The following AKAP7 variants were observed in gnomAD, a reference collection of about 807,000 sequenced individuals.
The protein encoded by AKAP7 is A kinase (PRKA) anchor protein 7.
Under a neutral mutation model 39.5 loss-of-function variants are expected in AKAP7, and 39 were observed. The observed-to-expected ratio is 0.99, with a 90% CI of 0.76 to 1.29. The LOEUF is 1.29. Ranked by LOEUF, AKAP7 falls within the 50% of genes most tolerant of loss-of-function variation. The probability of loss-of-function intolerance (pLI) is 0.00; values close to 1 mark genes in which losing one functional copy is unlikely to be tolerated. For synonymous variants in AKAP7, 140 were observed against 139.1 expected (o/e 1.01, Z -0.05); for missense variants, 414 against 407.7 (o/e 1.02, Z -0.13).
At position 131,199,484 on chromosome 6, in the gene AKAP7, GA is replaced by G. The variant is rs1250147982; in HGVS notation, c.618del (p.Gly207AlafsTer4). ...IAETANRTFQ[E>X]KGILVGESRS... is the part of the protein sequence containing the mutation. ...AGAGACTGCAAATAGGACATTTCAA[GA>G]AAAAGGCATCCTGGTAGGAGAGAGC... On this transcript the variant is annotated frameshift_variant, in exon 6 of 8. Transcript: ENST00000431975. LOFTEE classifies it high-confidence loss of function. 2.5e-6 allele frequency: 4 copies of G among 1,606,058 alleles called. No homozygotes were observed. Among genetic ancestry groups the G allele is most frequent in the Admixed American group, 1.7e-5 (1 of 59,590 alleles).
chr6:131,263,298 G>A (rs1813509904), intron 7 of AKAP7, among the ~76,000 whole-genome samples: 1 of 152,086 alleles, frequency 6.6e-6, no homozygotes, highest in African/African-American at 2.4e-5. Flanking sequence ...TGCTGGTAGG[G>A]CTCTGGCTTC....
chr6:131,268,112 T>C (rs1813962188), intron 7 of AKAP7, among the ~76,000 whole-genome samples: 1 of 152,194 alleles, frequency 6.6e-6, no homozygotes, highest in Non-Finnish European at 1.5e-5. Flanking sequence ...TTATTTAGTA[T>C]TGGACATTTC....
chr6:131,203,375 G>A (rs550968586), intron 6 of AKAP7, among the ~76,000 whole-genome samples: 9 of 152,070 alleles, frequency 5.9e-5, no homozygotes, highest in Non-Finnish European at 1.0e-4. Context: ...AAAGATGATC[G>A]TGGAATGTAT....
intron 5 of AKAP7, among the ~76,000 whole-genome samples, chr6:131,180,155 C>T (rs1244909665): frequency 3.9e-5 from 6 of 152,154 alleles, no homozygotes; most frequent in Non-Finnish European, 7.4e-5. Flanking sequence ...ACTTCAAGTC[C>T]CTGTGCTTGG....
chr6:131,185,069 G>C, intron 5 of AKAP7: 1 of 703,324 alleles, frequency 1.4e-6, no homozygotes, highest in South Asian at 1.4e-5. Flanking sequence ...TGCCCAGGCT[G>C]TCATCATCAA....
chr6:131,246,074 T>G (rs78475448), intron 7 of AKAP7, among the ~76,000 whole-genome samples: 18,289 of 148,280 alleles, frequency 0.12, 1,296 homozygotes, highest in Non-Finnish European at 0.15. Flanking sequence ...GACTTTTCCA[T>G]GAGGTTTCTC....
intron 6 of AKAP7, among the ~76,000 whole-genome samples, chr6:131,203,478 G>A (rs9492861): frequency 0.14 from 20,938 of 152,080 alleles, 1,611 homozygotes; most frequent in Non-Finnish European, 0.15. Context: ...CATGTTAGGA[G>A]ATTGGACTCA....
intron 7 of AKAP7, among the ~76,000 whole-genome samples, chr6:131,254,126 A>C (rs1812666378): frequency 6.6e-6 from 1 of 151,854 alleles, no homozygotes; most frequent in African/African-American, 2.4e-5. Context: ...CATTTTTCCA[A>C]ACTGTATTTT....
chr6:131,154,545 C>G (rs1000221978), intron 2 of AKAP7, among the ~76,000 whole-genome samples: 1 of 149,794 alleles, frequency 6.7e-6, no homozygotes, highest in Non-Finnish European at 1.5e-5. Flanking sequence ...GGAAAAGAAG[C>G]CTCATGTATT....
In AKAP7 at chr6:131,145,297, C is replaced by A. The variant is rs887169626; in HGVS notation, c.32C>A (p.Ser11Tyr). 5 of 1,509,380 alleles carry A rather than the reference C, an allele frequency of 3.3e-6. No individual in the cohort carries two copies. The highest frequency in any genetic ancestry group is 2.4e-5 in the East Asian group (1 of 42,258). 93.5% of individuals were successfully genotyped at this position (1,509,380 alleles called of 1,614,324 possible). MERPEAGGIN[S>Y]NECENVSRKK... ...TGATATGTTAAAGGAGGAATTAATTCCAATGAGTGTGAAAATGTATCAAGA... is the reference window on the plus strand; with the variant it reads ...TGATATGTTAAAGGAGGAATTAATTACAATGAGTGTGAAAATGTATCAAGA... Residue 11 changes from serine to tyrosine, a missense_variant, in exon 2 of 8, where the codon TCC becomes TAC. Ser to Tyr is a moderately radical substitution (Grantham distance 144). Coordinates refer to ENST00000431975, the MANE Select transcript of AKAP7 (RefSeq NM_016377.4).
intron 7 of AKAP7, among the ~76,000 whole-genome samples, chr6:131,235,766 T>C (rs1390026227): frequency 6.6e-6 from 1 of 152,242 alleles, no homozygotes; most frequent in African/African-American, 2.4e-5. Context: ...GTTTGTTTTT[T>C]TCTTGTAAAT....
chr6:131,243,914 A>G (rs1335741330), intron 7 of AKAP7, among the ~76,000 whole-genome samples: 1 of 152,030 alleles, frequency 6.6e-6, no homozygotes. Flanking sequence ...AGGACATTAA[A>G]AGATTAAAAG....
intron 1 of AKAP7, among the ~76,000 whole-genome samples, chr6:131,139,136 C>T (rs1220391210): frequency 6.6e-6 from 1 of 152,226 alleles, no homozygotes; most frequent in African/African-American, 2.4e-5. Context: ...ATTTAATTCA[C>T]ATCTACCAAC....
chr6:131,201,242 C>T (rs1394161205), intron 6 of AKAP7, among the ~76,000 whole-genome samples: 1 of 152,120 alleles, frequency 6.6e-6, no homozygotes, highest in African/African-American at 2.4e-5. Context: ...GTCATTTCTA[C>T]GTGTAAGGAG....
chr6:131,251,720 C>T (rs1010888024), intron 7 of AKAP7, among the ~76,000 whole-genome samples: 1 of 152,178 alleles, frequency 6.6e-6, no homozygotes, highest in South Asian at 2.1e-4. Flanking sequence ...CAATAAGCTG[C>T]GCTCTAAATT....
At chr6:131,128,056 G>A in the AKAP7 span, among the ~76,000 whole-genome samples, 21 of 152,176 alleles carry the variant, frequency 1.4e-4, no homozygotes, top group South Asian at 2.1e-4. Context: ...GGAGAGGATC[G>A]GAAAAAGTAA....
At chr6:131,170,327 A>G (rs1803928634) in intron 5 of AKAP7, among the ~76,000 whole-genome samples, 1 of 151,992 alleles carries the variant, frequency 6.6e-6, no homozygotes, top group South Asian at 2.1e-4. Context: ...AAAAGAAACA[A>G]TCATCTATAG....
chr6:131,283,357 G>A lies in AKAP7; in HGVS notation c.*1631G>A, dbSNP rs1815344024. 3.9e-5 allele frequency: 6 copies of A among 152,578 alleles called. No homozygotes were observed. The allele number at this position is 152,578 out of a possible 1,614,324, so 9.5% of individuals were successfully genotyped here. A position where few individuals can be genotyped will look rare whatever the true frequency, so the allele number is the denominator to read the frequency against. ...AACTTTTTCTATAGTCATTGATGGA[G>A]TAGATCATGATGGAGGGGAAATCAC... On this transcript the variant is annotated 3_prime_UTR_variant, in exon 8 of 8. Transcript: ENST00000431975.
chr6:131,239,473 G>A (rs925946473), intron 7 of AKAP7, among the ~76,000 whole-genome samples: 1 of 152,192 alleles, frequency 6.6e-6, no homozygotes, highest in East Asian at 1.9e-4. Flanking sequence ...GATTGGGGAA[G>A]TTCTCCTGGA....
Sources: allele counts gnomAD v4.1 joint callset (sites outside exome capture counted in the v4.1 genomes callset), GRCh38; gene constraint gnomAD v4.1.1; transcripts MANE v1.5; gene names NCBI Gene and HGNC (gene_info 2026-07-23, HGNC 2026-07-21).